Variants in ROBO2 observed in about 807,000 individuals in gnomAD.
ROBO2 encodes roundabout homolog 2.
A neutral mutation model predicts 160.8 loss-of-function variants in ROBO2; 53 were observed. That is an observed-to-expected ratio of 0.33 (90% confidence interval 0.26 to 0.41). ROBO2 has a LOEUF of 0.41. Ranked by LOEUF, ROBO2 falls within the 10% of genes least tolerant of loss-of-function variation. ROBO2 has a pLI of 1.00. For missense variants in ROBO2, 1,577 were observed against 1,722.4 expected (o/e 0.92, Z 1.49); for synonymous variants, 664 against 611.7 (o/e 1.09, Z -1.26).
At chr3:77,344,763 G>A (rs1384450185) in intron 2 of ROBO2, among the ~76,000 whole-genome samples, 3 of 152,180 alleles carry the variant, frequency 2.0e-5, no homozygotes, top group Middle Eastern at 3.4e-3. Flanking sequence ...TTAAAGATAG[G>A]TGATGAGTAC....
At chr3:76,714,491 G>A (rs930663618) in intron 2 of ROBO2, among the ~76,000 whole-genome samples, 25 of 152,188 alleles carry the variant, frequency 1.6e-4, no homozygotes, top group African/African-American at 5.5e-4. Flanking sequence ...AGGAAATTGT[G>A]AGATTGACAC....
intron 2 of ROBO2, among the ~76,000 whole-genome samples, chr3:76,232,711 C>T (rs1704694188): frequency 6.6e-6 from 1 of 152,160 alleles, no homozygotes; most frequent in Non-Finnish European, 1.5e-5. Flanking sequence ...CCTTCTTATA[C>T]ATTTCATGAT....
intron 2 of ROBO2, among the ~76,000 whole-genome samples, chr3:77,140,021 G>C (rs1207503079): frequency 6.6e-6 from 1 of 152,180 alleles, no homozygotes; most frequent in East Asian, 1.9e-4. Flanking sequence ...AAGAAGGGTG[G>C]CTGTTTGCCC....
chr3:76,449,499 A>G (rs1229539727), intron 2 of ROBO2, among the ~76,000 whole-genome samples: 1 of 152,110 alleles, frequency 6.6e-6, no homozygotes, highest in Non-Finnish European at 1.5e-5. Flanking sequence ...CTAAATTTAC[A>G]TATTTCATAA....
rs2066148212 is a variant in ROBO2, at chr3:76,821,849, T to C, written c.110-276165T>C. 3.3e-5 allele frequency among the ~76,000 whole-genome samples: 5 copies of C among 152,008 alleles called. No homozygotes were observed. The South Asian group carries it at 1.0e-3, about 31-fold the overall frequency. ...TGGTCCTTTTTAACTATCACTGCTT[T>C]TTAATTATCACTTTTTAACAATGTC... On this transcript the variant is annotated intron_variant, in intron 2 of 26. Transcript: ENST00000487694.
chr3:76,004,214 TA>T (rs781261217), intron 2 of ROBO2, among the ~76,000 whole-genome samples: 4 of 152,110 alleles, frequency 2.6e-5, no homozygotes, highest in Non-Finnish European at 5.9e-5. Context: ...AAGAATACAA[TA>T]TAGACATATG....
At chr3:77,236,672 A>C in intron 2 of ROBO2, among the ~76,000 whole-genome samples, 1 of 152,172 alleles carries the variant, frequency 6.6e-6, no homozygotes, top group East Asian at 1.9e-4. Flanking sequence ...CACTGTCCTA[A>C]AAATTCTGTT....
At chr3:76,448,319 C>G (rs1210728298) in intron 2 of ROBO2, among the ~76,000 whole-genome samples, 1 of 152,014 alleles carries the variant, frequency 6.6e-6, no homozygotes, top group Non-Finnish European at 1.5e-5. Context: ...ATGTAGAAAT[C>G]TGATATATCT....
intron 2 of ROBO2, among the ~76,000 whole-genome samples, chr3:76,880,810 C>G (rs1479629076): frequency 6.6e-6 from 1 of 152,130 alleles, no homozygotes; most frequent in Non-Finnish European, 1.5e-5. Context: ...TGCCACAGAT[C>G]AAACTAATAG....
intron 2 of ROBO2, among the ~76,000 whole-genome samples, chr3:76,025,943 C>T (rs957091123): frequency 5.9e-5 from 9 of 151,888 alleles, no homozygotes; most frequent in Non-Finnish European, 1.2e-4. Flanking sequence ...TCCTATTAGA[C>T]ATTTTCTCCC....
intron 2 of ROBO2, among the ~76,000 whole-genome samples, chr3:77,297,037 A>AT (rs35569967): frequency 0.11 from 16,624 of 146,092 alleles, 1,086 homozygotes; most frequent in East Asian, 0.35. Context: ...GAAACTAAAA[A>AT]TTTTTTTTTT....
At chr3:76,122,751 A>G (rs1263708421) in intron 2 of ROBO2, among the ~76,000 whole-genome samples, 1 of 152,004 alleles carries the variant, frequency 6.6e-6, no homozygotes, top group Non-Finnish European at 1.5e-5. Context: ...TCTCTGCTTT[A>G]TGGTTGTTGA....
At chr3:76,889,257 T>A (rs2074155661) in intron 2 of ROBO2, among the ~76,000 whole-genome samples, 1 of 152,214 alleles carries the variant, frequency 6.6e-6, no homozygotes, top group Admixed American at 6.5e-5. Context: ...AGTCTTGGCA[T>A]TTTATTCTCA....
chr3:76,759,666 T>C (rs2061189307), intron 2 of ROBO2, among the ~76,000 whole-genome samples: 1 of 151,544 alleles, frequency 6.6e-6, no homozygotes, highest in South Asian at 2.1e-4. Flanking sequence ...TCTCCTCGGA[T>C]TAAGAGGAGT....
chr3:76,130,988 G>A (rs1370751711), intron 2 of ROBO2, among the ~76,000 whole-genome samples: 3 of 152,068 alleles, frequency 2.0e-5, no homozygotes, highest in African/African-American at 7.2e-5. Flanking sequence ...CTCCAAAAAT[G>A]CTTGTGATTA....
At chr3:77,312,250 T>C (rs2063612244) in intron 2 of ROBO2, among the ~76,000 whole-genome samples, 1 of 152,214 alleles carries the variant, frequency 6.6e-6, no homozygotes, top group African/African-American at 2.4e-5. Context: ...GTTTTGTTTA[T>C]TGAGTATTTT....
intron 2 of ROBO2, among the ~76,000 whole-genome samples, chr3:77,407,777 G>T (rs936393261): frequency 2.0e-5 from 3 of 152,124 alleles, no homozygotes; most frequent in African/African-American, 4.8e-5. Flanking sequence ...AACTTTTAAA[G>T]TTGCCTTATT....
chr3:76,042,087 T>G (rs1480133035), intron 2 of ROBO2, among the ~76,000 whole-genome samples: 1 of 151,190 alleles, frequency 6.6e-6, no homozygotes, highest in East Asian at 1.9e-4. Flanking sequence ...TAAAGATGAA[T>G]TAAATTTCAT....
chr3:76,588,441 A>G (rs765791096), intron 2 of ROBO2, among the ~76,000 whole-genome samples: 1 of 152,222 alleles, frequency 6.6e-6, no homozygotes, highest in Non-Finnish European at 1.5e-5. Context: ...GGATGGATTA[A>G]GCAATAATAA....
Sources: allele counts gnomAD v4.1 joint callset (sites outside exome capture counted in the v4.1 genomes callset), GRCh38; gene constraint gnomAD v4.1.1; transcripts MANE v1.5; gene names NCBI Gene and HGNC (gene_info 2026-07-23, HGNC 2026-07-21).